The following TENT4A variants were observed in gnomAD, a reference collection of about 807,000 sequenced individuals.
The protein encoded by TENT4A is terminal nucleotidyltransferase 4A.
In TENT4A, 7 loss-of-function variants were observed where a neutral mutation model predicts 72.8. That is an observed-to-expected ratio of 0.10 (90% confidence interval 0.05 to 0.18). The LOEUF is 0.18. TENT4A is among the 10% of genes least tolerant of loss of function. TENT4A has a pLI of 1.00. For missense variants in TENT4A, 831 were observed against 1,017.7 expected (o/e 0.82, Z 2.50); for synonymous variants, 456 against 434.3 (o/e 1.05, Z -0.62).
At chr5:6,747,782 A>G (rs1742187734) in intron 7 of TENT4A, among the ~76,000 whole-genome samples, 1 of 152,228 alleles carries the variant, frequency 6.6e-6, no homozygotes, top group African/African-American at 2.4e-5. Flanking sequence ...AGAAATCCAC[A>G]CTTAACCTGA....
rs1740256860 is a variant in TENT4A at position 6,714,463 on chromosome 5, T to G, written c.480T>G (p.Pro160=). 3 of 1,178,578 alleles carry G rather than the reference T, an allele frequency of 2.5e-6. No homozygotes were observed. Among genetic ancestry groups the G allele is most frequent in the Non-Finnish European group, 3.1e-6 (3 of 954,356 alleles). The allele number at this position is 1,178,578 out of a possible 1,614,324, so 73.0% of individuals were successfully genotyped here. ...FNFADGAPSA[P]GTANGHPGPR... is the part of the protein sequence containing the mutation. ...TCGCCGACGGCGCGCCCAGCGCCCC[T>G]GGCACAGCCAACGGGCACCCCGGGC... Residue 160 remains proline (P), a synonymous_variant, in exon 1 of 13, where the codon CCT becomes CCG. Transcript: ENST00000230859.
At chr5:6,724,955 A>G (rs896650418) in intron 1 of TENT4A, among the ~76,000 whole-genome samples, 1 of 152,154 alleles carries the variant, frequency 6.6e-6, no homozygotes, top group African/African-American at 2.4e-5. Flanking sequence ...AGGTAGTCTC[A>G]CTCCGTAGCC....
intron 1 of TENT4A, among the ~76,000 whole-genome samples, chr5:6,722,434 T>C (rs951201402): frequency 6.6e-6 from 1 of 152,142 alleles, no homozygotes; most frequent in Admixed American, 6.5e-5. Flanking sequence ...TTCTGAGTCT[T>C]GGGAGTGGGG....
intron 2 of TENT4A, among the ~76,000 whole-genome samples, 174 bp downstream of exon 2, chr5:6,737,807 G>C (rs1741581727): frequency 6.6e-6 from 1 of 152,212 alleles, no homozygotes; most frequent in South Asian, 2.1e-4. Flanking sequence ...ATGGCCCCCG[G>C]CGCACCTGCA....
At position 6,738,712 on chromosome 5, in the gene TENT4A, T is replaced by C. The variant is rs1741636911; in HGVS notation, c.870T>C (p.Gly290=). Reference sequence around the variant, plus strand: ...AGATATTTGGCAGCTTTAGTACAGGTCTTTATCTTCCAACTAGGTGAGTAC... The same window carrying C: ...AGATATTTGGCAGCTTTAGTACAGGCCTTTATCTTCCAACTAGGTGAGTAC... ...DVQIFGSFST[G]LYLPTSDIDL... The change falls in exon 3 of 13, where the codon GGT becomes GGC. Residue 290 remains glycine (G), a synonymous_variant. Transcript: ENST00000230859. The C allele has an allele frequency of 6.2e-7, 1 of 1,613,220 alleles. No homozygotes were observed. Among genetic ancestry groups the C allele is most frequent in the Non-Finnish European group, 8.5e-7 (1 of 1,179,256 alleles).
Position 6,714,300 on chromosome 5 carries a change from C to T in TENT4A, c.317C>T (p.Pro106Leu). 4 of 1,098,600 alleles carry T rather than the reference C, an allele frequency of 3.6e-6. No individual in the cohort carries two copies. Among genetic ancestry groups the T allele is most frequent in the South Asian group, 4.3e-5 (1 of 23,150 alleles). The allele number at this position is 1,098,600 out of a possible 1,614,324, so 68.1% of individuals were successfully genotyped here. A position where few individuals can be genotyped will look rare whatever the true frequency, so the allele number is the denominator to read the frequency against. ...AEGARRLHKS[P>L]SLSSSSSSSS... ...GGCGCGCGGCGCTTGCACAAGTCGC[C>T]GTCGCTGTCGTCCTCGTCGTCGTCC... The change falls in exon 1 of 13, where the codon CCG becomes CTG. Residue 106 changes from proline (P) to leucine (L), a missense_variant. By Grantham distance (98) the Pro-to-Leu change is moderately conservative. This residue lies in a region of TENT4A where 302 missense variants were observed against 293.8 expected (regional missense o/e 1.03). Coordinates refer to ENST00000230859, the MANE Select transcript of TENT4A (RefSeq NM_006999.6).
chr5:6,753,364 G>C (rs1474974109), intron 12 of TENT4A, among the ~76,000 whole-genome samples: 1 of 152,170 alleles, frequency 6.6e-6, no homozygotes, highest in East Asian at 1.9e-4. Flanking sequence ...TAAATACCTT[G>C]GTTTTCAAGA....
chr5:6,742,376 C>T (rs887096092), intron 4 of TENT4A, 114 bp from the exon 5 acceptor site: 7 of 676,138 alleles, frequency 1.0e-5, no homozygotes, highest in African/African-American at 5.4e-5. Flanking sequence ...TCTCTGACCC[C>T]CTTTCATTAC....
At chr5:6,723,049 A>G (rs1301755036) in intron 1 of TENT4A, among the ~76,000 whole-genome samples, 4 of 131,088 alleles carry the variant, frequency 3.1e-5, no homozygotes, top group African/African-American at 5.4e-5. Flanking sequence ...TTTAGGCTCT[A>G]TTTGAAACAG....
Position 6,742,572 on chromosome 5 carries a change from C to A in TENT4A, c.1091C>A (p.Ala364Glu). The change falls in exon 5 of 13, where the codon GCG becomes GAG. Residue 364 changes from alanine to glutamate, a missense_variant. By Grantham distance (107) the Ala-to-Glu change is moderately radical. Transcript: ENST00000230859. ...SFNMETGVRA[A>E]EFIKNYMKKY... ...AACATGGAGACGGGCGTCCGGGCAG[C>A]GGAGTTCATCAAGAATTACATGAAG... The A allele has an allele frequency of 6.2e-7, 1 of 1,611,316 alleles. No homozygotes were observed. Among genetic ancestry groups the A allele is most frequent in the Non-Finnish European group, 8.5e-7 (1 of 1,177,454 alleles).
At chr5:6,742,060 A>G (rs1741833202) in intron 4 of TENT4A, among the ~76,000 whole-genome samples, 1 of 152,248 alleles carries the variant, frequency 6.6e-6, no homozygotes, top group Non-Finnish European at 1.5e-5. Flanking sequence ...AACCCAAAGT[A>G]GAGAAACAAT....
intron 1 of TENT4A, among the ~76,000 whole-genome samples, chr5:6,720,172 A>G (rs759813790): frequency 3.3e-5 from 5 of 152,100 alleles, no homozygotes; most frequent in East Asian, 1.9e-4. Context: ...CCCTGTTTCT[A>G]TGGGCTTGTG....
intron 3 of TENT4A, among the ~76,000 whole-genome samples, chr5:6,739,321 G>T (rs115004722): frequency 0.015 from 2,217 of 152,270 alleles, 55 homozygotes; most frequent in African/African-American, 0.05. Flanking sequence ...ACATTAGCAG[G>T]GCCAGTGGGT....
At position 6,748,446 on chromosome 5, in the gene TENT4A, ATAG is replaced by A. The variant is rs754715409; in HGVS notation, c.1460-17_1460-15del. Reference sequence around the variant, plus strand: ...GGTGTGCATGTGGGGAGGGTCTGACATAGCCTTTTTGCTGCAGGGAATGACGTT... The same window carrying A: ...GGTGTGCATGTGGGGAGGGTCTGACACCTTTTTGCTGCAGGGAATGACGTT... On this transcript the variant is annotated splice_polypyrimidine_tract_variant and intron_variant, in intron 7 of 12. Coordinates refer to ENST00000230859, the MANE Select transcript of TENT4A (RefSeq NM_006999.6). The A allele has an allele frequency of 6.2e-7, 1 of 1,613,846 alleles. No homozygotes were observed. Among genetic ancestry groups the A allele is most frequent in the Non-Finnish European group, 8.5e-7 (1 of 1,179,764 alleles).
intron 1 of TENT4A, among the ~76,000 whole-genome samples, chr5:6,734,510 T>C (rs1741369754): frequency 6.6e-6 from 1 of 152,254 alleles, no homozygotes; most frequent in East Asian, 1.9e-4. Context: ...AGTGGGGCAC[T>C]TCGCCAGAGC....
At chr5:6,751,986 C>T (rs1378448089) in intron 11 of TENT4A, among the ~76,000 whole-genome samples, 1 of 152,232 alleles carries the variant, frequency 6.6e-6, no homozygotes, top group African/African-American at 2.4e-5. Context: ...AGCTGATGAG[C>T]AGAGCCATGG....
At position 6,752,971 on chromosome 5, in the gene TENT4A, CAT is replaced by C. The variant is rs1742494810; in HGVS notation, c.2119_2120del (p.Met707ValfsTer21). 2 of 1,614,110 alleles carry C rather than the reference CAT, an allele frequency of 1.2e-6. No individual in the cohort carries two copies. Among genetic ancestry groups the C allele is most frequent in the Non-Finnish European group, 1.7e-6 (2 of 1,180,052 alleles). On this transcript the variant is annotated frameshift_variant, in exon 12 of 13. Transcript: ENST00000230859. LOFTEE classifies it high-confidence loss of function. Reference sequence around the variant, plus strand: ...CTGCGTCTTTGAAAGCCGTCCACCACATGTCTTCCCCGGCCATTCCCTCAGCG... The same window carrying C: ...CTGCGTCTTTGAAAGCCGTCCACCACGTCTTCCCCGGCCATTCCCTCAGCG... ...GTASLKAVHHMSSPAIPSASP... is the reference protein window; with the variant it reads ...GTASLKAVHHXSSPAIPSASP...
Position 6,755,405 on chromosome 5 carries a change from A to G in TENT4A, c.*460A>G, listed in dbSNP as rs1297657391. 1 of 154,314 alleles carries G rather than the reference A, an allele frequency of 6.5e-6. No homozygotes were observed. The allele number at this position is 154,314 out of a possible 1,614,324, so 9.6% of individuals were successfully genotyped here. ...CTCACATTTTGTTTGAAATTTCAGA[A>G]CTGTTTTTCTATGTAAATATTGAAA... is the stretch of plus-strand genomic sequence containing the variant. On this transcript the variant is annotated 3_prime_UTR_variant, in exon 13 of 13. Coordinates refer to ENST00000230859, the MANE Select transcript of TENT4A (RefSeq NM_006999.6).
chr5:6,748,140 G>C (rs969706618), intron 7 of TENT4A, among the ~76,000 whole-genome samples: 1 of 152,216 alleles, frequency 6.6e-6, no homozygotes. Flanking sequence ...GCCACCTGGA[G>C]AGGTGGCTTT....
Sources: allele counts gnomAD v4.1 joint callset (sites outside exome capture counted in the v4.1 genomes callset), GRCh38; gene constraint gnomAD v4.1.1; regional missense constraint gnomAD v4.1.1; transcripts MANE v1.5; gene names NCBI Gene and HGNC (gene_info 2026-07-23, HGNC 2026-07-21).